AK4: variants seen among roughly 807,000 people sequenced by gnomAD.
AK4 encodes the protein adenylate kinase 4.
Under a neutral mutation model 24.6 loss-of-function variants are expected in AK4, and 13 were observed. That is an observed-to-expected ratio of 0.53 (90% confidence interval 0.34 to 0.84). AK4 has a LOEUF of 0.84. AK4 is among the 40% of genes least tolerant of loss of function. The pLI is 0.01. For missense variants in AK4, 192 were observed against 288.2 expected (o/e 0.67, Z 2.42); for synonymous variants, 88 against 107.0 (o/e 0.82, Z 1.10).
intron 1 of AK4, among the ~76,000 whole-genome samples, chr1:65,187,067 G>C (rs1651122691): frequency 6.6e-6 from 1 of 152,096 alleles, no homozygotes; most frequent in South Asian, 2.1e-4. Flanking sequence ...TTTATAAGAA[G>C]TGTCCAGGGA....
intron 2 of AK4, among the ~76,000 whole-genome samples, chr1:65,200,073 T>C (rs1246589245): frequency 2.0e-5 from 3 of 151,318 alleles, no homozygotes; most frequent in Non-Finnish European, 4.4e-5. Flanking sequence ...GAAGAAAGTG[T>C]ATCTACTTCA....
At chr1:65,189,425 T>C (rs1407860861) in intron 1 of AK4, among the ~76,000 whole-genome samples, 1 of 151,762 alleles carries the variant, frequency 6.6e-6, no homozygotes, top group African/African-American at 2.4e-5. Flanking sequence ...ATTACAGGCA[T>C]GCACCACCAT....
intron 1 of AK4, among the ~76,000 whole-genome samples, chr1:65,152,360 C>CTCTATATA (rs1277948363): frequency 1.8e-4 from 5 of 27,960 alleles, no homozygotes; most frequent in African/African-American, 3.3e-4. Flanking sequence ...CTCTCTCTCT[C>CTCTATATA]TATATATATA....
At chr1:65,205,494 A>G (rs1393187594) in intron 2 of AK4, among the ~76,000 whole-genome samples, 1 of 152,080 alleles carries the variant, frequency 6.6e-6, no homozygotes, top group Non-Finnish European at 1.5e-5. Context: ...TCAGCTCTCC[A>G]AAGTACTTGG....
intron 1 of AK4, among the ~76,000 whole-genome samples, chr1:65,154,079 A>G (rs571951181): frequency 1.3e-5 from 2 of 152,326 alleles, no homozygotes; most frequent in African/African-American, 2.4e-5. Flanking sequence ...TTTACTTTCT[A>G]AAAGTTGATC....
chr1:65,148,144 C>CGAGGAGGTG, upstream of AK4: 1 of 635,692 alleles, frequency 1.6e-6, no homozygotes, highest in South Asian at 2.8e-5. Context: ...TGCGTGGGGG[C>CGAGGAGGTG]GAGGAGGTGG....
intron 2 of AK4, among the ~76,000 whole-genome samples, chr1:65,210,920 A>T (rs1344768579): frequency 6.6e-6 from 1 of 152,224 alleles, no homozygotes; most frequent in Non-Finnish European, 1.5e-5. Flanking sequence ...GTCACAAGTA[A>T]GTGGCTTAGC....
Position 65,189,187 on chromosome 1 carries a change from G to C in AK4, c.146-1523G>C, listed in dbSNP as rs561211005. 1.9e-4 allele frequency among the ~76,000 whole-genome samples: 28 copies of C among 149,358 alleles called. No individual in the cohort carries two copies. The South Asian group carries it at 5.6e-3, about 30-fold the overall frequency. ...TGACCTCAGGTGATCCGCCTGCCTC[G>C]ACCTCCCAAAGTGCTGGGATTACAG... On this transcript the variant is annotated intron_variant, in intron 1 of 4. Transcript: ENST00000327299.
Position 65,165,328 on chromosome 1 carries a change from T to A in AK4, c.145+16776T>A, listed in dbSNP as rs1382996571. ...GAAGGATGAGTAGCAGGTGGAAACATGTGAAAGCAGGGTATTTTTGATGTA... is the reference window on the plus strand; with the variant it reads ...GAAGGATGAGTAGCAGGTGGAAACAAGTGAAAGCAGGGTATTTTTGATGTA... On this transcript the variant is annotated intron_variant, in intron 1 of 4. Transcript: ENST00000327299. Among the ~76,000 whole-genome samples the A allele has an allele frequency of 3.9e-5, 6 of 152,104 alleles. No homozygotes were observed. The East Asian group carries it at 1.2e-3, about 29-fold the overall frequency.
At chr1:65,154,682 T>A (rs1299515757) in intron 1 of AK4, 1 of 397,046 alleles carries the variant, frequency 2.5e-6, no homozygotes, top group Admixed American at 2.7e-5. Context: ...ATCCAAGGCA[T>A]CTACCCAATA....
At position 65,152,276 on chromosome 1, in the gene AK4, A is replaced by G. The variant is rs534034383; in HGVS notation, c.145+3724A>G. On this transcript the variant is annotated intron_variant, in intron 1 of 4. Coordinates refer to ENST00000327299, the MANE Select transcript of AK4 (RefSeq NM_013410.4). ...TGGAAGCATCTTGGAGTTAATTGAG[A>G]TAAAAGATGTTAAGGAACAAACCTG... 1.0e-4 allele frequency among the ~76,000 whole-genome samples: 15 copies of G among 143,470 alleles called. 1 individual carries two copies. In the East Asian group the frequency reaches 3.3e-3, roughly 32 times the overall value. 94.1% of individuals were successfully genotyped at this position (143,470 alleles called of 152,430 possible). A position where few individuals can be genotyped will look rare whatever the true frequency, so the allele number is the denominator to read the frequency against.
At chr1:65,163,732 G>A (rs1214175613) in intron 1 of AK4, among the ~76,000 whole-genome samples, 1 of 152,204 alleles carries the variant, frequency 6.6e-6, no homozygotes, top group African/African-American at 2.4e-5. Flanking sequence ...GGCTGTACGG[G>A]AGACTGGCGT....
chr1:65,216,358 A>G (rs935920294), intron 2 of AK4, among the ~76,000 whole-genome samples: 1 of 152,108 alleles, frequency 6.6e-6, no homozygotes, highest in Non-Finnish European at 1.5e-5. Flanking sequence ...TCCTAGCCTC[A>G]AGTGATCCAC....
rs540939952 is a variant in AK4 at position 65,213,228 on chromosome 1, C to G, written c.266-5526C>G. Among the ~76,000 whole-genome samples, 115 of 152,292 alleles carry G rather than the reference C, an allele frequency of 7.6e-4. 1 individual carries two copies. Among genetic ancestry groups the G allele is most frequent in the Non-Finnish European group, 1.4e-3 (94 of 68,030 alleles). On this transcript the variant is annotated intron_variant, in intron 2 of 4. Coordinates refer to ENST00000327299, the MANE Select transcript of AK4 (RefSeq NM_013410.4). ...GAGTCTTTGTGTTGAATTTATCCAT[C>G]TGTAACCCAAATGAAACCTCACCGT...
At chr1:65,172,194 T>C in intron 1 of AK4, among the ~76,000 whole-genome samples, 1 of 150,286 alleles carries the variant, frequency 6.7e-6, no homozygotes, top group Non-Finnish European at 1.5e-5. Flanking sequence ...CTTTTGTTTG[T>C]TGACTGATGC....
intron 2 of AK4, among the ~76,000 whole-genome samples, chr1:65,209,480 G>A (rs1651909422): frequency 6.6e-6 from 1 of 152,060 alleles, no homozygotes; most frequent in African/African-American, 2.4e-5. Flanking sequence ...AAAATTTGAG[G>A]GTGCATTCTA....
At chr1:65,206,135 C>T (rs958158533) in intron 2 of AK4, among the ~76,000 whole-genome samples, 2 of 152,128 alleles carry the variant, frequency 1.3e-5, no homozygotes, top group Admixed American at 1.3e-4. Context: ...TGAGCATATT[C>T]GATTTTCCAT....
intron 2 of AK4, among the ~76,000 whole-genome samples, chr1:65,211,879 T>C (rs547656138): frequency 6.6e-6 from 1 of 151,626 alleles, no homozygotes; most frequent in South Asian, 2.1e-4. Context: ...AAATAAAGGG[T>C]GAATAGGAGT....
chr1:65,161,798 C>T (rs1398049356), intron 1 of AK4, among the ~76,000 whole-genome samples: 1 of 152,114 alleles, frequency 6.6e-6, no homozygotes, highest in South Asian at 2.1e-4. Context: ...TACCTTATGC[C>T]TTGTACCTGA....
Sources: gnomAD v4.1 joint callset for allele counts (sites outside exome capture counted in the v4.1 genomes callset) on GRCh38, gnomAD v4.1.1 for gene constraint, MANE v1.5 for transcripts, NCBI Gene and HGNC (gene_info 2026-07-23, HGNC 2026-07-21) for gene names.